The following RBM42 variants were observed in gnomAD, a reference collection of about 807,000 sequenced individuals.
RBM42 encodes RNA-binding protein 42.
In RBM42, 21 loss-of-function variants were observed where a neutral mutation model predicts 41.4. That is an observed-to-expected ratio of 0.51 (90% CI 0.36 to 0.73). The LOEUF is 0.73. Among genes scored for constraint, RBM42 ranks in the 30% least tolerant of loss-of-function variants. The pLI, the probability that RBM42 is intolerant of heterozygous loss-of-function variation, is 0.00. For missense variants in RBM42, 539 were observed against 680.4 expected (o/e 0.79, Z 2.31); for synonymous variants, 272 against 271.2 (o/e 1.00, Z -0.03).
chr19:35,637,237 ATCCT>A lies in RBM42; in HGVS notation c.1221_1224del (p.Phe407LeufsTer5), dbSNP rs1315692771. The A allele has an allele frequency of 1.2e-6, 2 of 1,614,082 alleles. No homozygotes were observed. Among genetic ancestry groups the A allele is most frequent in the African/African-American group, 1.3e-5 (1 of 74,930 alleles). On this transcript the variant is annotated frameshift_variant, in exon 9 of 10. Coordinates refer to ENST00000262633, the MANE Select transcript of RBM42 (RefSeq NM_024321.5). LOFTEE classifies it high-confidence loss of function. The surrounding 1 kb of genome is among the most constrained non-coding windows in gnomAD (Gnocchi z 7.0). ...TGGCACGCGCCTTCAGCCGCTTCCCATCCTTCCTTAAGGCCAAGGTGATCCGTGA... is the reference window on the plus strand; with the variant it reads ...TGGCACGCGCCTTCAGCCGCTTCCCATCCTTAAGGCCAAGGTGATCCGTGA...
At chr19:35,631,267 A>G (rs1568333917) in intron 3 of RBM42, 43 bp downstream of exon 3, 4 of 1,612,580 alleles carry the variant, frequency 2.5e-6, no homozygotes, top group Non-Finnish European at 3.4e-6. Context: ...GCAATCAGGC[A>G]GGGTGGTAAA....
chr19:35,635,334 AAAG>A (rs1438955233), intron 8 of RBM42, among the ~76,000 whole-genome samples: 2 of 150,858 alleles, frequency 1.3e-5, no homozygotes, highest in Admixed American at 6.6e-5. Context: ...AAAAAAAAGA[AAAG>A]AGATACTTTT....
chr19:35,629,413 C>A, intron 1 of RBM42, 107 bp from the exon 2 acceptor site: 2 of 1,533,784 alleles, frequency 1.3e-6, no homozygotes, highest in Admixed American at 1.9e-5. Context: ...ATTGTGGGGG[C>A]GGGGATAGGG....
Position 35,629,318 on chromosome 19 carries a change from A to T in RBM42, c.128+37A>T, listed in dbSNP as rs1452830980. On this transcript the variant is annotated intron_variant, in intron 1 of 9. Coordinates refer to ENST00000262633, the MANE Select transcript of RBM42 (RefSeq NM_024321.5). ...GACAGAGAGTGATAAAAGTCGTCCC[A>T]GAGCCAGAGCCACCGAATCTCGGAG... The T allele has an allele frequency of 6.0e-6, 9 of 1,489,820 alleles. No individual in the cohort carries two copies. The African/African-American group carries it at 1.3e-4, about 21-fold the overall frequency. The allele number at this position is 1,489,820 out of a possible 1,614,324, so 92.3% of individuals were successfully genotyped here. A position where few individuals can be genotyped will look rare whatever the true frequency, so the allele number is the denominator to read the frequency against.
chr19:35,634,214 C>T, intron 7 of RBM42, 42 bp from the exon 8 acceptor site: 1 of 1,598,414 alleles, frequency 6.3e-7, no homozygotes, highest in Admixed American at 1.7e-5. Context: ...AGTGGGAGAC[C>T]CCAATACCAA....
chr19:35,634,318 T>C lies in RBM42; in HGVS notation c.1080T>C (p.Ile360=). Residue 360 remains isoleucine (I), a synonymous_variant, in exon 8 of 10, where the codon ATT becomes ATC. Coordinates refer to ENST00000262633, the MANE Select transcript of RBM42 (RefSeq NM_024321.5). ...KGKPEKLKRC[I]RTAAGSSWED... ...AGCCAGAGAAATTGAAACGGTGCATTCGCACAGCGGCAGGGAGCAGCTGGG... is the reference window on the plus strand; with the variant it reads ...AGCCAGAGAAATTGAAACGGTGCATCCGCACAGCGGCAGGGAGCAGCTGGG... 2 of 1,614,182 alleles carry C rather than the reference T, an allele frequency of 1.2e-6. No individual in the cohort carries two copies. The highest frequency in any genetic ancestry group is 1.7e-6 in the Non-Finnish European group (2 of 1,180,034).
intron 2 of RBM42, 148 bp downstream of exon 2, chr19:35,629,821 G>C: frequency 1.2e-6 from 1 of 802,520 alleles, no homozygotes; most frequent in Non-Finnish European, 1.9e-6. Flanking sequence ...ACACAGTAAT[G>C]ACTGAGAGAG....
intron 2 of RBM42, 110 bp downstream of exon 2, chr19:35,629,783 C>A: frequency 8.6e-7 from 1 of 1,161,938 alleles, no homozygotes; most frequent in South Asian, 1.5e-5. Flanking sequence ...ATTAGCATGA[C>A]AAATATTTTA....
At chr19:35,635,812 G>A (rs924203819) in intron 8 of RBM42, among the ~76,000 whole-genome samples, 2 of 151,972 alleles carry the variant, frequency 1.3e-5, no homozygotes, top group African/African-American at 2.4e-5. Flanking sequence ...AAGCCACCAC[G>A]CCCAGCCTCG....
At position 35,631,628 on chromosome 19, in the gene RBM42, G is replaced by A. The variant is rs186576451; in HGVS notation, c.442+223G>A. On this transcript the variant is annotated intron_variant, in intron 4 of 9. Transcript: ENST00000262633. ...CTCCTGCTGTCAGTCCTAATTCCCAGTTACCACAGCACTTAACACCTCATA... is the reference window on the plus strand; with the variant it reads ...CTCCTGCTGTCAGTCCTAATTCCCAATTACCACAGCACTTAACACCTCATA... The A allele has an allele frequency of 6.6e-4, 390 of 588,684 alleles. 2 individuals are homozygous for A. The African/African-American group carries it at 6.7e-3, about 10-fold the overall frequency. 36.5% of individuals were successfully genotyped at this position (588,684 alleles called of 1,614,324 possible). A position where few individuals can be genotyped will look rare whatever the true frequency, so the allele number is the denominator to read the frequency against.
rs753851348 is a variant in RBM42, at chr19:35,631,368, C to T, written c.405C>T (p.Ser135=). 2.5e-6 allele frequency: 4 copies of T among 1,614,106 alleles called. No individual in the cohort carries two copies. In the African/African-American group the frequency reaches 4.0e-5, roughly 16 times the overall value. ...FGPGDRSHLD[S]PEAREAMFLR... is the part of the protein sequence containing the mutation. The stretch of plus-strand genomic sequence containing the variant: ...CTGGTGATCGGAGTCACCTGGACAG[C>T]CCAGAGGCTCGAGAAGCCATGTTCC... Residue 135 remains serine (S), a synonymous_variant, in exon 4 of 10, where the codon AGC becomes AGT. Transcript: ENST00000262633.
rs1967360507 is a variant in RBM42 at position 35,629,192 on chromosome 19, A to C, written c.39A>C (p.Ala13=). 3 of 1,533,924 alleles carry C rather than the reference A, an allele frequency of 2.0e-6. No homozygotes were observed. Among genetic ancestry groups the C allele is most frequent in the Non-Finnish European group, 2.6e-6 (3 of 1,143,684 alleles). Reference sequence around the variant, plus strand: ...GGCCAGCCCCGGGACTCCCGGGTGCAGGAGGACCCGTGGTCCCGGGTCCTG... The same window carrying C: ...GGCCAGCCCCGGGACTCCCGGGTGCCGGAGGACCCGTGGTCCCGGGTCCTG... ...GAGPAPGLPG[A]GGPVVPGPGA... Residue 13 remains alanine, a synonymous_variant, in exon 1 of 10, where the codon GCA becomes GCC. Transcript: ENST00000262633.
intron 8 of RBM42, 32 bp downstream of exon 8, chr19:35,634,405 C>T (rs1347491250): frequency 1.3e-6 from 2 of 1,544,096 alleles, no homozygotes; most frequent in East Asian, 2.2e-5. Context: ...TCAGGCGTGG[C>T]TCGGCCAAGG....
rs1967449315 is a variant in RBM42 at position 35,633,851 on chromosome 19, C to T, written c.849C>T (p.Ser283=). ...APAGPAVIGP[S]LPLALAMPLP... ...CTGGCCCTGCAGTCATTGGGCCCAGCCTGCCGCTGGCCCTGGCCATGCCAT... is the reference window on the plus strand; with the variant it reads ...CTGGCCCTGCAGTCATTGGGCCCAGTCTGCCGCTGGCCCTGGCCATGCCAT... Residue 283 remains serine, a synonymous_variant, in exon 7 of 10, where the codon AGC becomes AGT. Transcript: ENST00000262633. 7.0e-6 allele frequency: 11 copies of T among 1,571,200 alleles called. No homozygotes were observed. The highest frequency in any genetic ancestry group is 1.4e-5 in the African/African-American group (1 of 73,732).
chr19:35,633,896 G>A lies in RBM42; in HGVS notation c.894G>A (p.Leu298=). ...TGCCATTGCCCGAGCCTGAGCCCCT[G>A]CCCCTCCCGTTGGAGGTCGTCCGCG... The part of the protein sequence containing the change: ...LAMPLPEPEP[L]PLPLEVVRGL... Residue 298 remains leucine (L), a synonymous_variant, in exon 7 of 10, where the codon CTG becomes CTA. Transcript: ENST00000262633. The A allele has an allele frequency of 6.3e-7, 1 of 1,595,584 alleles. No homozygotes were observed. Among genetic ancestry groups the A allele is most frequent in the African/African-American group, 1.3e-5 (1 of 74,628 alleles).
rs190366022 is a variant in RBM42 at position 35,630,996 on chromosome 19, G to A, written c.283-144G>A. On this transcript the variant is annotated intron_variant, in intron 2 of 9. Coordinates refer to ENST00000262633, the MANE Select transcript of RBM42 (RefSeq NM_024321.5). ...CTAGTGTGATCCAAAAAGCCTCCCC[G>A]AGAAGTGGCATTTTAGCTAAGACCT... 1.4e-4 allele frequency: 99 copies of A among 710,302 alleles called. 1 individual carries two copies. The African/African-American group carries it at 1.5e-3, about 11-fold the overall frequency. 44.0% of individuals were successfully genotyped at this position (710,302 alleles called of 1,614,324 possible).
chr19:35,637,403 G>A lies in RBM42; in HGVS notation c.1331-39G>A. The stretch of plus-strand genomic sequence containing the variant: ...GCAGGCGCGGCAGGCGCTGGCCTAA[G>A]CCTGACCCGAGCCTGCCTTGAACCC... On this transcript the variant is annotated intron_variant, in intron 9 of 9. Transcript: ENST00000262633. This position sits in a 1 kb window ranked among gnomAD's most constrained non-coding sequence, Gnocchi z 7.0. The A allele has an allele frequency of 6.2e-7, 1 of 1,613,458 alleles. No individual in the cohort carries two copies. Among genetic ancestry groups the A allele is most frequent in the Non-Finnish European group, 8.5e-7 (1 of 1,179,596 alleles).
In RBM42 at chr19:35,637,551, A is replaced by G. The variant is rs1349003758; in HGVS notation, c.1440A>G (p.Arg480=). 1 of 1,613,806 alleles carries G rather than the reference A, an allele frequency of 6.2e-7. No homozygotes were observed. Among genetic ancestry groups the G allele is most frequent in the African/African-American group, 1.3e-5 (1 of 74,928 alleles). Residue 480 remains arginine (R), a synonymous_variant, in exon 10 of 10, where the codon AGA becomes AGG. Coordinates refer to ENST00000262633, the MANE Select transcript of RBM42 (RefSeq NM_024321.5). The surrounding 1 kb of genome is among the most constrained non-coding windows in gnomAD (Gnocchi z 7.0). ...KQKEKKKLGL[R] is the part of the protein sequence containing the mutation. ...AGGAAAAGAAGAAGCTGGGCCTGAG[A>G]TAGGGTCTGTGGCCAGGCACCCGCT... is the stretch of plus-strand genomic sequence containing the variant.
intron 2 of RBM42, among the ~76,000 whole-genome samples, chr19:35,630,307 C>T (rs1262386685): frequency 5.0e-5 from 7 of 140,234 alleles, no homozygotes; most frequent in Non-Finnish European, 3.2e-5. Flanking sequence ...AGCGAGACTC[C>T]GTCTCAAAAA....
Sources: gnomAD v4.1 joint callset for allele counts (sites outside exome capture counted in the v4.1 genomes callset) on GRCh38, gnomAD v4.1.1 for gene constraint, Gnocchi (gnomAD v3.1) non-coding constraint, MANE v1.5 for transcripts, NCBI Gene and HGNC (gene_info 2026-07-23, HGNC 2026-07-21) for gene names.